Variants in ADGRV1 observed in about 807,000 individuals in gnomAD.
ADGRV1 encodes the protein adhesion G protein-coupled receptor V1, also known as G-protein coupled receptor 98.
ADGRV1 carries 359 observed loss-of-function variants against 596.2 expected under a neutral mutation model. That is an observed-to-expected ratio of 0.60 (90% CI 0.55 to 0.66). The LOEUF is 0.66. ADGRV1 is among the 30% of genes least tolerant of loss of function. ADGRV1 has a pLI of 0.00. For synonymous variants in ADGRV1, 2,681 were observed against 2,679.2 expected (o/e 1.00, Z -0.02); for missense variants, 7,274 against 7,575.6 (o/e 0.96, Z 1.48).
rs1308416706 is a variant in ADGRV1, at chr5:90,788,123, A to G, written c.13706A>G (p.Asn4569Ser). 1 of 1,613,586 alleles carries G rather than the reference A, an allele frequency of 6.2e-7. No homozygotes were observed. Among genetic ancestry groups the G allele is most frequent in the Admixed American group, 1.7e-5 (1 of 59,996 alleles). The change falls in exon 68 of 90, where the codon AAT (asparagine) becomes AGT (serine). Residue 4569 changes from asparagine to serine, a missense_variant. Coordinates refer to ENST00000405460, the MANE Select transcript of ADGRV1 (RefSeq NM_032119.4). ...PNSQEALLPQNRDIADPVSGL... is the reference protein window; with the variant it reads ...PNSQEALLPQSRDIADPVSGL... ...TCTCAAGAAGCCTTACTGCCACAGA[A>G]TAGAGACATTGCAGACCCAGTGAGC...
At chr5:90,983,663 GA>G (rs913593174) in intron 84 of ADGRV1, among the ~76,000 whole-genome samples, 4 of 150,184 alleles carry the variant, frequency 2.7e-5, no homozygotes, top group East Asian at 3.9e-4. Flanking sequence ...ATTATAGAAA[GA>G]AAAAAAAAGT....
chr5:90,628,728 C>T lies in ADGRV1; in HGVS notation c.1405C>T (p.Leu469Phe), dbSNP rs1425050498. The change falls in exon 8 of 90, where the codon CTT becomes TTT. Residue 469 changes from leucine (L) to phenylalanine (F), a missense_variant. Leu to Phe is a conservative substitution (Grantham distance 22). Around this residue, in one of 5 missense-constraint regions of ADGRV1, gnomAD observed 1,715 missense variants for 1,708.8 expected, o/e 1.00. Transcript: ENST00000405460. The part of the protein sequence containing the change: ...AQGQMLATIP[L>F]TVVDDDLPEE... ...AGGGCAGATGTTGGCAACAATTCCT[C>T]TTACTGTGGTTGATGATGATCTTCC... 1.9e-6 allele frequency: 3 copies of T among 1,614,018 alleles called. No individual in the cohort carries two copies. In the South Asian group the frequency reaches 3.3e-5, roughly 18 times the overall value.
chr5:90,860,322 C>T (rs1767433861), intron 82 of ADGRV1, among the ~76,000 whole-genome samples: 2 of 150,386 alleles, frequency 1.3e-5, no homozygotes, highest in African/African-American at 2.4e-5. Context: ...TTTTTTGAGA[C>T]GGAGTTTCGC....
At chr5:90,972,856 C>G (rs1428112506) in intron 84 of ADGRV1, among the ~76,000 whole-genome samples, 1 of 151,954 alleles carries the variant, frequency 6.6e-6, no homozygotes, top group East Asian at 1.9e-4. Flanking sequence ...AAGATCAGAG[C>G]AGAAATGAAG....
At chr5:90,690,168 G>A in intron 30 of ADGRV1, 92 bp downstream of exon 30, 1 of 734,976 alleles carries the variant, frequency 1.4e-6, no homozygotes, top group Non-Finnish European at 2.2e-6. Context: ...GAATTGATCT[G>A]ATCATGCTTT....
chr5:90,946,899 A>G lies in ADGRV1; in HGVS notation c.17857-18516A>G, dbSNP rs562911384. 2.6e-5 allele frequency among the ~76,000 whole-genome samples: 4 copies of G among 152,260 alleles called. No individual in the cohort carries two copies. The East Asian group carries it at 7.7e-4, about 29-fold the overall frequency. On this transcript the variant is annotated intron_variant, in intron 83 of 89. Coordinates refer to ENST00000405460, the MANE Select transcript of ADGRV1 (RefSeq NM_032119.4). ...TTTGGGTTGATTCCATGTCTTCGCA[A>G]TTGTGAATAGTGCTGCAGTGAACAT... is the stretch of plus-strand genomic sequence containing the variant.
chr5:90,597,162 ATTTC>A (rs1173330370), intron 1 of ADGRV1, among the ~76,000 whole-genome samples: 2 of 152,166 alleles, frequency 1.3e-5, no homozygotes, highest in African/African-American at 4.8e-5. Flanking sequence ...TTGGGGATTT[ATTTC>A]TTTAACAAGA....
chr5:91,008,942 T>C (rs139325201), intron 85 of ADGRV1, among the ~76,000 whole-genome samples: 290 of 152,258 alleles, frequency 1.9e-3, no homozygotes, highest in African/African-American at 6.1e-3. Flanking sequence ...TATTGACAAA[T>C]CACAACAGAC....
Position 90,807,742 on chromosome 5 carries a change from G to T in ADGRV1, c.14972+5G>T. 1 of 1,530,956 alleles carries T rather than the reference G, an allele frequency of 6.5e-7. No homozygotes were observed. Among genetic ancestry groups the T allele is most frequent in the South Asian group, 1.3e-5 (1 of 78,284 alleles). The allele number at this position is 1,530,956 out of a possible 1,614,324, so 94.8% of individuals were successfully genotyped here. A position where few individuals can be genotyped will look rare whatever the true frequency, so the allele number is the denominator to read the frequency against. ...TCCTGGCGGAGCTCAACTCCGGTAAGACCAACCTCATTCTCACCCAAGAAA... is the reference window on the plus strand; with the variant it reads ...TCCTGGCGGAGCTCAACTCCGGTAATACCAACCTCATTCTCACCCAAGAAA... On this transcript the variant is annotated splice_donor_5th_base_variant and intron_variant, in intron 73 of 89. Coordinates refer to ENST00000405460, the MANE Select transcript of ADGRV1 (RefSeq NM_032119.4).
intron 59 of ADGRV1, among the ~76,000 whole-genome samples, chr5:90,763,784 T>C (rs1756775750): frequency 6.6e-6 from 1 of 152,226 alleles, no homozygotes; most frequent in Non-Finnish European, 1.5e-5. Context: ...GGTATTTGAT[T>C]TTCTGTTTCT....
chr5:90,754,519 C>T (rs1181487093), intron 54 of ADGRV1, among the ~76,000 whole-genome samples: 5 of 152,122 alleles, frequency 3.3e-5, no homozygotes, highest in Non-Finnish European at 7.4e-5. Context: ...CTGTGAAATA[C>T]TTTGAGCCTC....
intron 77 of ADGRV1, among the ~76,000 whole-genome samples, chr5:90,833,655 C>T (rs1764706857): frequency 6.6e-6 from 1 of 152,086 alleles, no homozygotes; most frequent in African/African-American, 2.4e-5. Flanking sequence ...TTTTATTTTA[C>T]TTGTGGCTAT....
chr5:90,645,878 C>G, intron 15 of ADGRV1, 90 bp from the exon 16 acceptor site: 2 of 1,058,378 alleles, frequency 1.9e-6, no homozygotes, highest in Non-Finnish European at 1.3e-6. Flanking sequence ...GTTAATGGTG[C>G]TTTTTTAAAA....
At chr5:90,677,000 A>T (rs1333798355) in intron 25 of ADGRV1, 1 of 152,200 alleles carries the variant, frequency 6.6e-6, no homozygotes, top group Non-Finnish European at 1.5e-5. Context: ...AAAAGTGTTA[A>T]TGTGTTTATC....
At chr5:91,029,203 C>T (rs1784283561) in intron 85 of ADGRV1, among the ~76,000 whole-genome samples, 2 of 151,990 alleles carry the variant, frequency 1.3e-5, no homozygotes, top group African/African-American at 4.8e-5. Flanking sequence ...TGGAGCGAGA[C>T]TCCGTCTCAA....
At position 90,789,813 on chromosome 5, in the gene ADGRV1, T is replaced by C. The variant is rs199792315; in HGVS notation, c.14005T>C (p.Phe4669Leu). The change falls in exon 69 of 90, where the codon TTT becomes CTT. Residue 4669 changes from phenylalanine (F) to leucine (L), a missense_variant. This residue lies in a region of ADGRV1 where 4 missense variants were observed against 20.7 expected (regional missense o/e 0.19). Coordinates refer to ENST00000405460, the MANE Select transcript of ADGRV1 (RefSeq NM_032119.4). ...GGAAGGGCCCCTGCTCATTACCTTC[T>C]TTGTCAGAAGAGTCAAGGGCACCTT... ...ALEGPLLITF[F>L]VRRVKGTFGE... The C allele has an allele frequency of 4.8e-5, 72 of 1,495,854 alleles. No individual in the cohort carries two copies. In the African/African-American group the frequency reaches 9.8e-4, roughly 20 times the overall value. The allele number at this position is 1,495,854 out of a possible 1,614,324, so 92.7% of individuals were successfully genotyped here. A position where few individuals can be genotyped will look rare whatever the true frequency, so the allele number is the denominator to read the frequency against.
intron 84 of ADGRV1, among the ~76,000 whole-genome samples, chr5:90,971,119 A>G (rs1167194728): frequency 6.6e-6 from 1 of 152,220 alleles, no homozygotes; most frequent in African/African-American, 2.4e-5. Context: ...TGGAAGATGA[A>G]ATGAATGAAA....
intron 85 of ADGRV1, among the ~76,000 whole-genome samples, chr5:91,060,398 A>T (rs200602737): frequency 0.22 from 13,385 of 59,564 alleles, 821 homozygotes; most frequent in African/African-American, 0.26. Flanking sequence ...ATATATATAT[A>T]TTTTTTTTTT....
intron 1 of ADGRV1, among the ~76,000 whole-genome samples, chr5:90,571,916 G>T (rs1488707793): frequency 3.3e-5 from 5 of 152,138 alleles, no homozygotes; most frequent in Non-Finnish European, 5.9e-5. Context: ...TTGGAATCCT[G>T]CAAGCCCTTG....
Sources: gnomAD v4.1 joint callset for allele counts (sites outside exome capture counted in the v4.1 genomes callset) on GRCh38, gnomAD v4.1.1 for gene constraint, gnomAD v4.1.1 regional missense constraint, MANE v1.5 for transcripts, NCBI Gene and HGNC (gene_info 2026-07-23, HGNC 2026-07-21) for gene names.